RBFOX1: variants seen among roughly 807,000 people sequenced by gnomAD.
RBFOX1 encodes RNA binding fox-1 homolog 1, also known as RNA binding protein fox-1 homolog 1.
In RBFOX1, 8 loss-of-function variants were observed where a neutral mutation model predicts 57.7. The ratio of observed to expected loss-of-function variants is 0.14; its 90% CI spans 0.08 to 0.25. RBFOX1 has a LOEUF of 0.25. RBFOX1 is among the 10% of genes least tolerant of loss of function. The pLI, the probability that RBFOX1 is intolerant of heterozygous loss-of-function variation, is 1.00. For synonymous variants in RBFOX1, 326 were observed against 222.4 expected, an observed-to-expected ratio of 1.47 and a Z score of -4.15; for missense variants, 611 against 548.5, an observed-to-expected ratio of 1.11 and a Z score of -1.14.
At chr16:7,435,445 C>T (rs2098714077) in intron 4 of RBFOX1, among the ~76,000 whole-genome samples, 1 of 152,036 alleles carries the variant, frequency 6.6e-6, no homozygotes, top group African/African-American at 2.4e-5. Flanking sequence ...TGAGGCAGTG[C>T]CTGTCTCATT....
chr16:6,366,059 C>T (rs1234671607), intron 2 of RBFOX1, among the ~76,000 whole-genome samples: 1 of 150,114 alleles, frequency 6.7e-6, no homozygotes, highest in East Asian at 2.0e-4. Flanking sequence ...TTCATATGGT[C>T]TCTGGTCGAG....
intron 4 of RBFOX1, among the ~76,000 whole-genome samples, chr16:7,365,458 G>C (rs2146957829): frequency 6.6e-6 from 1 of 152,320 alleles, no homozygotes; most frequent in Admixed American, 6.5e-5. Context: ...AATTCTTTCA[G>C]TGAGTGATTC....
intron 4 of RBFOX1, among the ~76,000 whole-genome samples, chr16:7,328,455 G>C (rs548032714): frequency 7.3e-6 from 1 of 137,254 alleles, no homozygotes; most frequent in Admixed American, 7.7e-5. Flanking sequence ...ACTCTAGCCT[G>C]GGACAGAGCG....
intron 3 of RBFOX1, among the ~76,000 whole-genome samples, chr16:5,607,518 T>G (rs980698644): frequency 1.4e-4 from 21 of 152,336 alleles, no homozygotes; most frequent in African/African-American, 5.0e-4. Context: ...GTGATGATAC[T>G]GACGGGTTTC....
chr16:6,402,552 G>A (rs1258221802), intron 2 of RBFOX1, among the ~76,000 whole-genome samples: 2 of 152,038 alleles, frequency 1.3e-5, no homozygotes, highest in Non-Finnish European at 2.9e-5. Flanking sequence ...GCAAAGTACT[G>A]CTTTCTGCTT....
intron 3 of RBFOX1, among the ~76,000 whole-genome samples, chr16:6,971,866 G>T (rs906718054): frequency 6.6e-6 from 1 of 152,110 alleles, no homozygotes; most frequent in Non-Finnish European, 1.5e-5. Context: ...CTAATTCCCT[G>T]CAGTGATCCG....
At chr16:6,172,558 GCA>G (rs1185987005) in intron 1 of RBFOX1, among the ~76,000 whole-genome samples, 6 of 152,174 alleles carry the variant, frequency 3.9e-5, no homozygotes, top group Non-Finnish European at 8.8e-5. Flanking sequence ...TCTTCAGGAT[GCA>G]CAGTCTAGAA....
At chr16:6,431,900 T>TTGCTTG (rs1567258053) in intron 2 of RBFOX1, among the ~76,000 whole-genome samples, 3,363 of 71,242 alleles carry the variant, frequency 0.047, 52 homozygotes, top group African/African-American at 0.059. Flanking sequence ...TTGCTTGCTT[T>TTGCTTG]CTTTCTTTCT....
intron 3 of RBFOX1, among the ~76,000 whole-genome samples, chr16:5,712,646 A>G (rs1380307730): frequency 6.6e-6 from 1 of 152,166 alleles, no homozygotes; most frequent in East Asian, 1.9e-4. Flanking sequence ...TAGGAAATGG[A>G]AGTCCAGAGA....
chr16:6,369,876 G>A (rs1261422906), intron 2 of RBFOX1, among the ~76,000 whole-genome samples: 1 of 152,080 alleles, frequency 6.6e-6, no homozygotes, highest in Non-Finnish European at 1.5e-5. Flanking sequence ...ATAGTCCTCT[G>A]GTCTCATCCA....
At chr16:6,742,828 A>C (rs1165880432) in intron 3 of RBFOX1, among the ~76,000 whole-genome samples, 1 of 152,096 alleles carries the variant, frequency 6.6e-6, no homozygotes, top group Non-Finnish European at 1.5e-5. Flanking sequence ...ATGGTGGGAG[A>C]AAAAAAGATG....
intron 5 of RBFOX1, among the ~76,000 whole-genome samples, chr16:7,546,675 C>T (rs897750783): frequency 3.3e-5 from 5 of 152,202 alleles, no homozygotes; most frequent in South Asian, 4.1e-4. Flanking sequence ...CATACAATTC[C>T]GAGTCATTAT....
intron 4 of RBFOX1, among the ~76,000 whole-genome samples, chr16:7,163,100 A>C (rs1450445932): frequency 6.6e-6 from 1 of 152,176 alleles, no homozygotes; most frequent in Non-Finnish European, 1.5e-5. Flanking sequence ...ACCCATAAAT[A>C]ATTCCTAAGT....
At chr16:6,188,183 T>C (rs976822839) in intron 1 of RBFOX1, among the ~76,000 whole-genome samples, 2 of 152,276 alleles carry the variant, frequency 1.3e-5, no homozygotes, top group African/African-American at 4.8e-5. Flanking sequence ...AAAATCCATA[T>C]ATAAGTAAGC....
chr16:5,963,956 G>A (rs2059798602), intron 4 of RBFOX1, among the ~76,000 whole-genome samples: 1 of 152,120 alleles, frequency 6.6e-6, no homozygotes, highest in Non-Finnish European at 1.5e-5. Context: ...TCAACAAAAT[G>A]GAAAGGCAGC....
intron 4 of RBFOX1, among the ~76,000 whole-genome samples, chr16:7,115,785 C>T (rs1183339436): frequency 1.3e-5 from 2 of 152,170 alleles, no homozygotes; most frequent in East Asian, 1.9e-4. Flanking sequence ...ATCTAGCCTG[C>T]CCCGAAGGGG....
chr16:7,234,586 A>ATG (rs1249730307), intron 4 of RBFOX1, among the ~76,000 whole-genome samples: 4 of 92,814 alleles, frequency 4.3e-5, no homozygotes, highest in African/African-American at 6.6e-5. Flanking sequence ...ATGTGTATAC[A>ATG]TATGTGTGTG....
chr16:5,606,435 T>A (rs1414559594), intron 3 of RBFOX1, among the ~76,000 whole-genome samples: 1 of 152,074 alleles, frequency 6.6e-6, no homozygotes, highest in Non-Finnish European at 1.5e-5. Context: ...AACCACAAAA[T>A]GCCCTCCACC....
chr16:6,113,529 G>A (rs2096467132), intron 1 of RBFOX1, among the ~76,000 whole-genome samples: 1 of 152,316 alleles, frequency 6.6e-6, no homozygotes, highest in Admixed American at 6.5e-5. Context: ...TGATGAGATG[G>A]CCAGGAGCAT....
Sources: allele counts gnomAD v4.1 joint callset (sites outside exome capture counted in the v4.1 genomes callset), GRCh38; gene constraint gnomAD v4.1.1; transcripts MANE v1.5; gene names NCBI Gene and HGNC (gene_info 2026-07-23, HGNC 2026-07-21).